NREP: variants seen among roughly 807,000 people sequenced by gnomAD.
NREP encodes neuronal regeneration related protein.
NREP carries 5 observed loss-of-function variants against 8.6 expected under a neutral mutation model. The observed-to-expected ratio is 0.58, with a 90% CI of 0.30 to 1.22. The LOEUF is 1.22. Ranked by LOEUF, NREP falls within the 50% of genes most tolerant of loss-of-function variation. NREP has a pLI of 0.07. For missense variants in NREP, 86 were observed against 82.5 expected, an observed-to-expected ratio of 1.04 and a Z score of -0.17; for synonymous variants, 27 against 28.0, an observed-to-expected ratio of 0.96 and a Z score of 0.11.
At chr5:111,728,863 GA>G (rs1748319723), downstream of NREP, 1 of 152,180 alleles carries the variant, frequency 6.6e-6, no homozygotes, top group South Asian at 2.1e-4. Context: ...TTTGTCTGAG[GA>G]AAAGTGCACA....
intron 2 of NREP, among the ~76,000 whole-genome samples, chr5:111,822,502 A>G (rs1752534437): frequency 6.6e-6 from 1 of 152,244 alleles, no homozygotes; most frequent in South Asian, 2.1e-4. Flanking sequence ...TGCTAGGAGT[A>G]AAGTCAAATG....
intron 2 of NREP, among the ~76,000 whole-genome samples, chr5:111,740,802 T>C (rs532510364): frequency 6.6e-6 from 1 of 152,344 alleles, no homozygotes; most frequent in Non-Finnish European, 1.5e-5. Context: ...ATGTTTCCTA[T>C]CACTTCTACT....
intron 2 of NREP, among the ~76,000 whole-genome samples, chr5:111,854,056 G>T (rs1341401856): frequency 6.6e-6 from 1 of 152,132 alleles, no homozygotes; most frequent in African/African-American, 2.4e-5. Context: ...TGGGGAGGCT[G>T]CACAAGCTGA....
chr5:111,940,055 G>T (rs992278452), intron 2 of NREP: 1 of 151,952 alleles, frequency 6.6e-6, no homozygotes, highest in Non-Finnish European at 1.5e-5. Context: ...TGAAGAAGAA[G>T]AATCAAGTGT....
chr5:111,968,916 C>A (rs2112666861), intron 2 of NREP, among the ~76,000 whole-genome samples: 1 of 152,310 alleles, frequency 6.6e-6, no homozygotes, highest in African/African-American at 2.4e-5. Flanking sequence ...ACCACTCAAC[C>A]CACTGCCTCA....
chr5:111,839,914 G>C (rs1752984926), intron 2 of NREP, among the ~76,000 whole-genome samples: 1 of 152,062 alleles, frequency 6.6e-6, no homozygotes, highest in South Asian at 2.1e-4. Context: ...ATTTTACAGA[G>C]TAGGAGTGTG....
intron 2 of NREP, among the ~76,000 whole-genome samples, chr5:111,796,384 C>T (rs564724177): frequency 2.8e-4 from 42 of 152,266 alleles, no homozygotes; most frequent in Non-Finnish European, 5.6e-4. Flanking sequence ...GTCCCTTTGC[C>T]ATGTAAGATA....
At chr5:111,811,087 A>G (rs1447330920) in intron 2 of NREP, among the ~76,000 whole-genome samples, 1 of 152,214 alleles carries the variant, frequency 6.6e-6, no homozygotes, top group Non-Finnish European at 1.5e-5. Flanking sequence ...ATAAACACTT[A>G]GCTTGTGCTC....
intron 2 of NREP, among the ~76,000 whole-genome samples, chr5:111,943,866 T>C (rs1755900416): frequency 6.6e-6 from 1 of 152,142 alleles, no homozygotes; most frequent in South Asian, 2.1e-4. Flanking sequence ...TTGCTGCATA[T>C]ACTCTGTTCA....
chr5:111,881,344 C>T (rs112157294), intron 2 of NREP, among the ~76,000 whole-genome samples: 8,338 of 152,218 alleles, frequency 0.055, 549 homozygotes, highest in East Asian at 0.23. Flanking sequence ...CTGGGTGGAG[C>T]CCACCACAGC....
exon 1 of NREP, chr5:111,976,738 A>T: frequency 1.3e-6 from 2 of 1,550,934 alleles, no homozygotes; most frequent in Middle Eastern, 1.7e-4. Context: ...AACTCCTTTC[A>T]TTCCAGTCCT....
At chr5:111,761,857 G>T (rs531356107), upstream of NREP, among the ~76,000 whole-genome samples, 23 of 152,314 alleles carry the variant, frequency 1.5e-4, no homozygotes, top group African/African-American at 5.3e-4. Context: ...CGAAGGGAAA[G>T]AATTGTATTT....
At chr5:111,773,581 A>G (rs1751287421) in intron 2 of NREP, among the ~76,000 whole-genome samples, 1 of 152,220 alleles carries the variant, frequency 6.6e-6, no homozygotes, top group Non-Finnish European at 1.5e-5. Flanking sequence ...CAGTTGTGCA[A>G]CAAAGATCTA....
intron 2 of NREP, among the ~76,000 whole-genome samples, chr5:111,881,642 G>A (rs1452945557): frequency 6.6e-6 from 1 of 152,142 alleles, no homozygotes. Context: ...ACTTCCAGAG[G>A]AACGATCAGA....
intron 2 of NREP, among the ~76,000 whole-genome samples, chr5:111,887,106 T>C (rs1026789071): frequency 6.6e-6 from 1 of 152,092 alleles, no homozygotes; most frequent in Non-Finnish European, 1.5e-5. Flanking sequence ...AAATTTTTTA[T>C]AGAGTTGAGG....
chr5:111,927,819 G>A (rs1755431218), intron 2 of NREP, among the ~76,000 whole-genome samples: 1 of 152,114 alleles, frequency 6.6e-6, no homozygotes, highest in Admixed American at 6.5e-5. Flanking sequence ...CTTTGGGAAA[G>A]GCAGAGGCCA....
chr5:111,850,633 C>G (rs1391010560), intron 2 of NREP, among the ~76,000 whole-genome samples: 1 of 151,962 alleles, frequency 6.6e-6, no homozygotes, highest in Non-Finnish European at 1.5e-5. Context: ...TTTCAAATGA[C>G]AGTTATATTC....
chr5:111,912,975 C>T (rs1425998702), intron 2 of NREP, among the ~76,000 whole-genome samples: 1 of 152,026 alleles, frequency 6.6e-6, no homozygotes, highest in Non-Finnish European at 1.5e-5. Flanking sequence ...TAGCATTGAC[C>T]AGTAATTGAT....
intron 2 of NREP, among the ~76,000 whole-genome samples, chr5:111,890,823 T>C (rs1433043054): frequency 1.3e-5 from 2 of 152,344 alleles, no homozygotes; most frequent in East Asian, 1.9e-4. Context: ...GAAACCATTC[T>C]TCCCTGCTAG....
Sources: gnomAD v4.1 joint callset for allele counts (sites outside exome capture counted in the v4.1 genomes callset) on GRCh38, gnomAD v4.1.1 for gene constraint, MANE v1.5 for transcripts, NCBI Gene and HGNC (gene_info 2026-07-23, HGNC 2026-07-21) for gene names.